The following FYN variants were observed in gnomAD, a reference collection of about 807,000 sequenced individuals.
FYN encodes tyrosine-protein kinase Fyn.
In FYN, 10 loss-of-function variants were observed where a neutral mutation model predicts 70.2. The observed-to-expected ratio is 0.14, with a 90% CI of 0.09 to 0.24. The LOEUF (loss-of-function observed/expected upper bound fraction) is 0.24. Among genes scored for constraint, FYN ranks in the 10% least tolerant of loss-of-function variants. The probability of loss-of-function intolerance (pLI) is 1.00; values close to 1 mark genes in which losing one functional copy is unlikely to be tolerated. For missense variants in FYN, 319 were observed against 673.1 expected, an observed-to-expected ratio of 0.47 and a Z score of 5.82; for synonymous variants, 236 against 248.6, an observed-to-expected ratio of 0.95 and a Z score of 0.48.
chr6:111,856,834 G>A (rs534014935), intron 1 of FYN, among the ~76,000 whole-genome samples: 5 of 151,966 alleles, frequency 3.3e-5, no homozygotes, highest in Admixed American at 6.6e-5. Flanking sequence ...AAATACATAA[G>A]CAGTATCCAA....
At chr6:111,804,732 TGGTCCTTCCCACCAGTG>T (rs1263527016) in intron 2 of FYN, among the ~76,000 whole-genome samples, 1 of 152,220 alleles carries the variant, frequency 6.6e-6, no homozygotes, top group Non-Finnish European at 1.5e-5. Context: ...AAGCAGTATG[TGGTCCTTCCCACCAGTG>T]GGTACTGTGG....
At chr6:111,800,968 C>T (rs1771964150) in intron 2 of FYN, among the ~76,000 whole-genome samples, 1 of 152,216 alleles carries the variant, frequency 6.6e-6, no homozygotes, top group South Asian at 2.1e-4. Context: ...ACTATTTGCT[C>T]GTTCATACTT....
rs528590207 is a variant in FYN at position 111,671,026 on chromosome 6, G to T, written c.1405+3473C>A. 7.2e-5 allele frequency among the ~76,000 whole-genome samples: 11 copies of T among 152,314 alleles called. No homozygotes were observed. The South Asian group carries it at 2.3e-3, about 32-fold the overall frequency. On this transcript the variant is annotated intron_variant, in intron 13 of 13. Transcript: ENST00000354650. ...CAAGCTAGACTGCAATGCAGAGAATGCGTTCAGCTCAGGCTGCTAGCGGGG... is the reference window on the plus strand; with the variant it reads ...CAAGCTAGACTGCAATGCAGAGAATTCGTTCAGCTCAGGCTGCTAGCGGGG...
chr6:111,832,672 A>C (rs370948589), intron 2 of FYN, among the ~76,000 whole-genome samples: 1 of 152,190 alleles, frequency 6.6e-6, no homozygotes, highest in Non-Finnish European at 1.5e-5. Flanking sequence ...TAAATCTCAA[A>C]TGGGGAACAT....
chr6:111,871,418 G>A (rs1774269573), intron 1 of FYN, among the ~76,000 whole-genome samples: 2 of 152,222 alleles, frequency 1.3e-5, no homozygotes, highest in African/African-American at 4.8e-5. Flanking sequence ...TGCTTGGGTG[G>A]TGAGAAAGGA....
chr6:111,817,832 T>C (rs1355559195), intron 2 of FYN, among the ~76,000 whole-genome samples: 1 of 152,232 alleles, frequency 6.6e-6, no homozygotes, highest in Non-Finnish European at 1.5e-5. Context: ...GTATCCCTAA[T>C]AAACAAATGA....
chr6:111,862,015 T>C (rs566361464), intron 1 of FYN, among the ~76,000 whole-genome samples: 143 of 152,298 alleles, frequency 9.4e-4, no homozygotes, highest in Middle Eastern at 6.8e-3. Flanking sequence ...GGGCTATACA[T>C]GGCAGAGGCA....
At chr6:111,741,479 T>A (rs1276160465) in intron 3 of FYN, among the ~76,000 whole-genome samples, 1 of 152,136 alleles carries the variant, frequency 6.6e-6, no homozygotes. Context: ...ATGTTGAGTT[T>A]TGGATGGTTT....
At chr6:111,828,600 CG>C (rs1554293923) in intron 2 of FYN, among the ~76,000 whole-genome samples, 1 of 149,290 alleles carries the variant, frequency 6.7e-6, no homozygotes, top group Non-Finnish European at 1.5e-5. Flanking sequence ...TTTTGACACA[CG>C]CTACAACATA....
chr6:111,844,839 G>GAAAACA (rs920952404), intron 2 of FYN: 1 of 152,174 alleles, frequency 6.6e-6, no homozygotes, highest in Non-Finnish European at 1.5e-5. Flanking sequence ...ACCCAAGTCA[G>GAAAACA]AAAACAAAAA....
rs1554288024 is a variant in FYN, at chr6:111,779,120, C to CA, written c.-12+1445dup. Among the ~76,000 whole-genome samples, 416 of 112,552 alleles carry CA rather than the reference C, an allele frequency of 3.7e-3. 1 individual carries two copies. Among genetic ancestry groups the CA allele is most frequent in the African/African-American group, 7.9e-3 (224 of 28,324 alleles). The allele number at this position is 112,552 out of a possible 152,430, so 73.8% of individuals were successfully genotyped here. A position where few individuals can be genotyped will look rare whatever the true frequency, so the allele number is the denominator to read the frequency against. ...TCCCTTGTCAGGGATCAGTAGGAGA[C>CA]ATTTTTTTTTTTTTTTTTTTTTTTT... is the stretch of plus-strand genomic sequence containing the variant. On this transcript the variant is annotated intron_variant, in intron 3 of 13. Coordinates refer to ENST00000354650, the MANE Select transcript of FYN (RefSeq NM_002037.5).
chr6:111,671,254 C>G (rs1798255205), intron 13 of FYN, among the ~76,000 whole-genome samples: 2 of 152,188 alleles, frequency 1.3e-5, no homozygotes, highest in African/African-American at 4.8e-5. Flanking sequence ...ACTCCTCTCA[C>G]ACAACTTGCC....
At chr6:111,843,724 G>C (rs548338251) in intron 2 of FYN, among the ~76,000 whole-genome samples, 1 of 152,276 alleles carries the variant, frequency 6.6e-6, no homozygotes, top group South Asian at 2.1e-4. Context: ...GGCCTACTAT[G>C]AGTTAGGCAC....
rs138899521 is a variant in FYN at position 111,736,734 on chromosome 6, A to C, written c.-11-16672T>G. Among the ~76,000 whole-genome samples, 976 of 152,340 alleles carry C rather than the reference A, an allele frequency of 6.4e-3. 10 individuals carry two copies. The highest frequency in any genetic ancestry group is 9.8e-3 in the Non-Finnish European group (669 of 68,032). On this transcript the variant is annotated intron_variant, in intron 3 of 13. Transcript: ENST00000354650. The stretch of plus-strand genomic sequence containing the variant: ...GTGTACAACCAGCCTACACATTCTG[A>C]GTATTCACCGTTCCACCAGGTTTAT...
intron 4 of FYN, among the ~76,000 whole-genome samples, chr6:111,715,618 GC>G (rs1182540746): frequency 6.6e-6 from 1 of 152,092 alleles, no homozygotes; most frequent in African/African-American, 2.4e-5. Context: ...TGCTGGTGAG[GC>G]CCATGTGACC....
chr6:111,719,935 G>A lies in FYN; in HGVS notation c.117C>T (p.Tyr39=), dbSNP rs748706879. Residue 39 remains tyrosine (Y), a synonymous_variant, in exon 4 of 14, where the codon TAC becomes TAT. Transcript: ENST00000354650. ...GGATGGAGGTCACACCGAAGCTGGGGTAGTGCTGAGGGGTGGGGTCTGTGC... is the reference window on the plus strand; with the variant it reads ...GGATGGAGGTCACACCGAAGCTGGGATAGTGCTGAGGGGTGGGGTCTGTGC... ...RYGTDPTPQH[Y]PSFGVTSIPN... is the part of the protein sequence containing the mutation. 17 of 1,614,064 alleles carry A rather than the reference G, an allele frequency of 1.1e-5. No individual in the cohort carries two copies. The highest frequency in any genetic ancestry group is 1.4e-5 in the Non-Finnish European group (17 of 1,180,040).
Position 111,694,331 on chromosome 6 carries a change from T to C in FYN, c.1273+44A>G. 3 of 1,607,916 alleles carry C rather than the reference T, an allele frequency of 1.9e-6. No individual in the cohort carries two copies. The highest frequency in any genetic ancestry group is 2.6e-6 in the Non-Finnish European group (3 of 1,175,128). The stretch of plus-strand genomic sequence containing the variant: ...GGAAGGGCTGTGCAGTAAGTGACTG[T>C]TCTCACAGCTGTGATCACGAGCCAT... On this transcript the variant is annotated intron_variant, in intron 12 of 13. Coordinates refer to ENST00000354650, the MANE Select transcript of FYN (RefSeq NM_002037.5). The surrounding 1 kb of genome is among the most constrained non-coding windows in gnomAD (Gnocchi z 5.0).
intron 13 of FYN, among the ~76,000 whole-genome samples, chr6:111,665,766 T>G (rs1797971834): frequency 6.6e-6 from 1 of 150,908 alleles, no homozygotes; most frequent in Non-Finnish European, 1.5e-5. Flanking sequence ...GGACTACAGG[T>G]GCATGCCACT....
chr6:111,693,741 A>G (rs1044454660), intron 12 of FYN, among the ~76,000 whole-genome samples: 10 of 152,116 alleles, frequency 6.6e-5, no homozygotes, highest in African/African-American at 2.4e-4. Flanking sequence ...CTCTGGACCC[A>G]TAAGGATTCA....
Sources: allele counts gnomAD v4.1 joint callset (sites outside exome capture counted in the v4.1 genomes callset), GRCh38; gene constraint gnomAD v4.1.1; non-coding constraint Gnocchi (gnomAD v3.1); transcripts MANE v1.5; gene names NCBI Gene and HGNC (gene_info 2026-07-23, HGNC 2026-07-21).